Variants in SAFB2 observed in about 807,000 individuals in gnomAD.
SAFB2 encodes the protein scaffold attachment factor B2.
SAFB2 carries 32 observed loss-of-function variants against 100.6 expected under a neutral mutation model. The observed-to-expected ratio is 0.32, with a 90% confidence interval of 0.24 to 0.43. The LOEUF is 0.43. Among genes scored for constraint, SAFB2 ranks in the 20% least tolerant of loss-of-function variants. The pLI is 1.00. For missense variants in SAFB2, 1,185 were observed against 1,163.4 expected (o/e 1.02, Z -0.27); for synonymous variants, 500 against 439.4 (o/e 1.14, Z -1.72).
At chr19:5,592,539 G>A (rs2052432856) in intron 16 of SAFB2, among the ~76,000 whole-genome samples, 1 of 152,210 alleles carries the variant, frequency 6.6e-6, no homozygotes, top group African/African-American at 2.4e-5. Context: ...GATGGAATGA[G>A]CTCTGAGATG....
chr19:5,613,416 A>G, intron 5 of SAFB2, 49 bp downstream of exon 5: 2 of 1,499,258 alleles, frequency 1.3e-6, no homozygotes, highest in African/African-American at 2.8e-5. Context: ...ATGGAAAATC[A>G]ACCACTCGAT....
chr19:5,608,464 A>G (rs190210410), intron 9 of SAFB2, among the ~76,000 whole-genome samples: 6 of 152,362 alleles, frequency 3.9e-5, no homozygotes, highest in South Asian at 2.1e-4. Flanking sequence ...ATTCATGGCT[A>G]TAAGAATTTC....
chr19:5,611,845 A>G, intron 6 of SAFB2: 1 of 727,922 alleles, frequency 1.4e-6, no homozygotes, highest in Admixed American at 2.3e-5. Flanking sequence ...CGGAAGAGAA[A>G]AGGCCCCCAC....
At chr19:5,595,857 TG>T (rs1399808516) in intron 13 of SAFB2, among the ~76,000 whole-genome samples, 1 of 152,234 alleles carries the variant, frequency 6.6e-6, no homozygotes, top group Non-Finnish European at 1.5e-5. Flanking sequence ...AGGGCCACTG[TG>T]GCCATTAGTT....
chr19:5,610,540 A>G (rs2052887019), intron 8 of SAFB2, 99 bp downstream of exon 8: 1 of 913,136 alleles, frequency 1.1e-6, no homozygotes, highest in South Asian at 1.6e-5. Context: ...ACCCATAACA[A>G]AACAAATTAC....
Position 5,622,772 on chromosome 19 carries a change from G to T in SAFB2, c.-57C>A, listed in dbSNP as rs897451570. On this transcript the variant is annotated 5_prime_UTR_variant, in exon 1 of 21. Transcript: ENST00000252542. ...TCGCACACCGCCGGCAGCTATAGCGGCTCTGAACACAAAATGGCGCCGCCT... is the reference window on the plus strand; with the variant it reads ...TCGCACACCGCCGGCAGCTATAGCGTCTCTGAACACAAAATGGCGCCGCCT... 8 of 1,528,798 alleles carry T rather than the reference G, an allele frequency of 5.2e-6. No homozygotes were observed. Among genetic ancestry groups the T allele is most frequent in the Non-Finnish European group, 6.1e-6 (7 of 1,139,806 alleles). The allele number at this position is 1,528,798 out of a possible 1,614,324, so 94.7% of individuals were successfully genotyped here.
In SAFB2 at chr19:5,587,782, G is replaced by A. The variant is rs1250912677; in HGVS notation, c.2639-15C>T. On this transcript the variant is annotated splice_polypyrimidine_tract_variant and intron_variant, in intron 19 of 20. Coordinates refer to ENST00000252542, the MANE Select transcript of SAFB2 (RefSeq NM_014649.3). This position sits in a 1 kb window ranked among gnomAD's most constrained non-coding sequence, Gnocchi z 4.9. ...CCTCTCGCCACCTAGAAGAGAAGAA[G>A]GGTCTGCAAACACTCCGTTCCTGGG... 2.6e-6 allele frequency: 4 copies of A among 1,553,454 alleles called. No individual in the cohort carries two copies. Among genetic ancestry groups the A allele is most frequent in the South Asian group, 2.4e-5 (2 of 84,396 alleles).
Position 5,616,160 on chromosome 19 carries a change from T to C in SAFB2, c.515A>G (p.Gln172Arg), listed in dbSNP as rs752165796. The change falls in exon 4 of 21, where the codon CAG becomes CGG. Residue 172 changes from glutamine (Q) to arginine (R), a missense_variant. Gln to Arg is a conservative substitution (Grantham distance 43). Around this residue, in one of 3 missense-constraint regions of SAFB2, gnomAD observed 351 missense variants for 341.2 expected, o/e 1.03. Coordinates refer to ENST00000252542, the MANE Select transcript of SAFB2 (RefSeq NM_014649.3). The stretch of plus-strand genomic sequence containing the variant: ...ATGCTCTGGGGGCTGAGCCGGGAGC[T>C]GTCTCAGCTGTGCAGCCACGTATTC... The part of the protein sequence containing the change: ...SKEYVAAQLR[Q>R]LPAQPPEHAV... The C allele has an allele frequency of 1.2e-6, 2 of 1,614,230 alleles. No individual in the cohort carries two copies. Among genetic ancestry groups the C allele is most frequent in the East Asian group, 2.2e-5 (1 of 44,884 alleles).
In SAFB2 at chr19:5,611,251, G is replaced by A; in HGVS notation, c.1014C>T (p.Pro338=). 2.5e-6 allele frequency: 1 copy of A among 400,146 alleles called. No homozygotes were observed. The highest frequency in any genetic ancestry group is 2.6e-5 in the South Asian group (1 of 38,480). 24.8% of individuals were successfully genotyped at this position (400,146 alleles called of 1,614,324 possible). Reference sequence around the variant, plus strand: ...TGGCTTCTGGGCTTGGGGCTTCCGTGGGTGCTTCTGCGAGCTCCTCGCTAG... The same window carrying A: ...TGGCTTCTGGGCTTGGGGCTTCCGTAGGTGCTTCTGCGAGCTCCTCGCTAG... ...EASSEELAEA[P]TEAPSPEARD... The change falls in exon 7 of 21, where the codon CCC becomes CCT. Residue 338 remains proline (P), a synonymous_variant. Coordinates refer to ENST00000252542, the MANE Select transcript of SAFB2 (RefSeq NM_014649.3).
chr19:5,600,489 G>T (rs1464873471), intron 11 of SAFB2, among the ~76,000 whole-genome samples: 2 of 152,224 alleles, frequency 1.3e-5, no homozygotes, highest in Non-Finnish European at 2.9e-5. Flanking sequence ...TATGCACAAT[G>T]AAATTCCTGG....
intron 13 of SAFB2, among the ~76,000 whole-genome samples, chr19:5,597,336 C>T (rs983869658): frequency 2.0e-5 from 3 of 151,782 alleles, no homozygotes; most frequent in Non-Finnish European, 2.9e-5. Flanking sequence ...AAGATCAAGG[C>T]GAGAGAATCA....
intron 9 of SAFB2, among the ~76,000 whole-genome samples, chr19:5,605,464 C>T (rs1741955443): frequency 2.0e-5 from 3 of 152,172 alleles, no homozygotes; most frequent in African/African-American, 7.2e-5. Flanking sequence ...CACAAACATG[C>T]AAGGTTATAA....
chr19:5,599,023 A>G, intron 12 of SAFB2, 139 bp from the exon 13 acceptor site: 2 of 708,704 alleles, frequency 2.8e-6, no homozygotes, highest in Admixed American at 2.3e-5. Context: ...GGGAGCCTCT[A>G]ATTCTCATCT....
intron 13 of SAFB2, among the ~76,000 whole-genome samples, chr19:5,598,134 C>CAAAAAA: frequency 1.6e-5 from 1 of 61,208 alleles, no homozygotes; most frequent in Non-Finnish European, 3.6e-5. Flanking sequence ...GACTCCATCT[C>CAAAAAA]AAAAAAAAAA....
rs145847392 is a variant in SAFB2, at chr19:5,612,080, G to A, written c.635-450C>T. 1,639 of 328,064 alleles carry A rather than the reference G, an allele frequency of 5.0e-3. 6 individuals carry two copies. Among genetic ancestry groups the A allele is most frequent in the Middle Eastern group, 0.02 (19 of 966 alleles). The allele number at this position is 328,064 out of a possible 1,614,324, so 20.3% of individuals were successfully genotyped here. Reference sequence around the variant, plus strand: ...TGACGGTGGGAGATAAACGCAGTCCGGAAGGGGAATAATATGTTGAAAATT... The same window carrying A: ...TGACGGTGGGAGATAAACGCAGTCCAGAAGGGGAATAATATGTTGAAAATT... On this transcript the variant is annotated intron_variant, in intron 6 of 20. Transcript: ENST00000252542.
chr19:5,595,328 C>T (rs1311010466), intron 14 of SAFB2, 33 bp downstream of exon 14: 1 of 1,598,086 alleles, frequency 6.3e-7, no homozygotes, highest in South Asian at 1.1e-5. Flanking sequence ...GAGAGGAAAC[C>T]ACCAGCCCAC....
At position 5,616,200 on chromosome 19, in the gene SAFB2, A is replaced by G; in HGVS notation, c.475T>C (p.Phe159Leu). ...GCCACGTATTCTTTACTATCACAAAAGGAATCGAGAAGGCCGTCCGTGCCA... is the reference window on the plus strand; with the variant it reads ...GCCACGTATTCTTTACTATCACAAAGGGAATCGAGAAGGCCGTCCGTGCCA... Reference protein sequence around the residue: ...EDGTDGLLDSFCDSKEYVAAQ... With the variant: ...EDGTDGLLDSLCDSKEYVAAQ... The change falls in exon 4 of 21, where the codon TTT (phenylalanine) becomes CTT (leucine). Residue 159 changes from phenylalanine to leucine, a missense_variant. Phe to Leu is a conservative substitution (Grantham distance 22). Transcript: ENST00000252542. 6.2e-7 allele frequency: 1 copy of G among 1,614,240 alleles called. No individual in the cohort carries two copies. The highest frequency in any genetic ancestry group is 8.5e-7 in the Non-Finnish European group (1 of 1,180,034).
chr19:5,587,552 CA>C lies in SAFB2; in HGVS notation c.2705+148del. 6.8e-7 allele frequency: 1 copy of C among 1,460,722 alleles called. No homozygotes were observed. The allele number at this position is 1,460,722 out of a possible 1,614,324, so 90.5% of individuals were successfully genotyped here. ...ATCGCACATTGTATTCCAGGTAACTCAAGAGCGTTATTTGCATAAATTGCAA... is the reference window on the plus strand; with the variant it reads ...ATCGCACATTGTATTCCAGGTAACTCAGAGCGTTATTTGCATAAATTGCAA... On this transcript the variant is annotated intron_variant, in intron 20 of 20. Coordinates refer to ENST00000252542, the MANE Select transcript of SAFB2 (RefSeq NM_014649.3). The surrounding 1 kb of genome is among the most constrained non-coding windows in gnomAD (Gnocchi z 4.9).
In SAFB2 at chr19:5,616,179, C is replaced by T. The variant is rs752920206; in HGVS notation, c.496G>A (p.Val166Met). Residue 166 changes from valine to methionine, a missense_variant, in exon 4 of 21, where the codon GTG (valine) becomes ATG (methionine). Val to Met is a conservative substitution (Grantham distance 21). This residue lies in a region of SAFB2 where 351 missense variants were observed against 341.2 expected (regional missense o/e 1.03). Transcript: ENST00000252542. ...LDSFCDSKEY[V>M]AAQLRQLPAQ... Reference sequence around the variant, plus strand: ...GGGAGCTGTCTCAGCTGTGCAGCCACGTATTCTTTACTATCACAAAAGGAA... The same window carrying T: ...GGGAGCTGTCTCAGCTGTGCAGCCATGTATTCTTTACTATCACAAAAGGAA... 6.2e-6 allele frequency: 10 copies of T among 1,614,102 alleles called. No individual in the cohort carries two copies. The highest frequency in any genetic ancestry group is 3.3e-5 in the South Asian group (3 of 91,094).
Sources: gnomAD v4.1 joint callset for allele counts (sites outside exome capture counted in the v4.1 genomes callset) on GRCh38, gnomAD v4.1.1 for gene constraint, gnomAD v4.1.1 regional missense constraint, Gnocchi (gnomAD v3.1) non-coding constraint, MANE v1.5 for transcripts, NCBI Gene and HGNC (gene_info 2026-07-23, HGNC 2026-07-21) for gene names.